TTC7B: variants seen among roughly 807,000 people sequenced by gnomAD.
The protein encoded by TTC7B is tetratricopeptide repeat protein 7B.
TTC7B carries 28 observed loss-of-function variants against 106.8 expected under a neutral mutation model. The ratio of observed to expected loss-of-function variants is 0.26; its 90% CI spans 0.19 to 0.36. TTC7B has a LOEUF of 0.36. Ranked by LOEUF, TTC7B falls within the 10% of genes least tolerant of loss-of-function variation. TTC7B has a pLI of 1.00. For synonymous variants in TTC7B, 405 were observed against 430.6 expected (o/e 0.94, Z 0.74); for missense variants, 862 against 1,076.4 (o/e 0.80, Z 2.79).
At chr14:90,699,148 C>CT (rs1437232261) in intron 5 of TTC7B, 4 of 455,748 alleles carry the variant, frequency 8.8e-6, no homozygotes, top group Non-Finnish European at 1.8e-5. Context: ...AACGTACAAG[C>CT]TTACCGCACC....
chr14:90,613,148 C>G (rs1471884943), intron 16 of TTC7B, among the ~76,000 whole-genome samples: 1 of 152,182 alleles, frequency 6.6e-6, no homozygotes, highest in East Asian at 1.9e-4. Flanking sequence ...GTCATCTCAG[C>G]ACTTTGGGAG....
In TTC7B at chr14:90,805,636, C is replaced by T. The variant is rs938432581; in HGVS notation, c.121+10539G>A. On this transcript the variant is annotated intron_variant, in intron 1 of 19. Transcript: ENST00000328459. This position sits in a 1 kb window ranked among gnomAD's most constrained non-coding sequence, Gnocchi z 4.0. ...ATTCAAGGGTACCCAGAGCTGGCTT[C>T]GCTTTTCCCTCGGGCATTATTTGGG... Among the ~76,000 whole-genome samples the T allele has an allele frequency of 1.3e-5, 2 of 152,006 alleles. No individual in the cohort carries two copies. The highest frequency in any genetic ancestry group is 2.4e-5 in the African/African-American group (1 of 41,268).
At chr14:90,672,936 T>A (rs945158917) in intron 9 of TTC7B, among the ~76,000 whole-genome samples, 1 of 152,176 alleles carries the variant, frequency 6.6e-6, no homozygotes, top group Non-Finnish European at 1.5e-5. Flanking sequence ...GTCTGAGATA[T>A]ACATGCACAC....
chr14:90,544,298 T>C (rs751097768), intron 19 of TTC7B, among the ~76,000 whole-genome samples: 1 of 152,198 alleles, frequency 6.6e-6, no homozygotes, highest in Non-Finnish European at 1.5e-5. Context: ...TATCCAAACA[T>C]GTGTCCATGC....
intron 17 of TTC7B, among the ~76,000 whole-genome samples, chr14:90,596,489 T>C (rs569733984): frequency 3.3e-5 from 5 of 152,338 alleles, no homozygotes; most frequent in African/African-American, 1.2e-4. Flanking sequence ...ACATACCATG[T>C]TTCAGGCACT....
chr14:90,619,053 G>A (rs904534608), intron 15 of TTC7B, among the ~76,000 whole-genome samples: 5 of 152,236 alleles, frequency 3.3e-5, no homozygotes, highest in South Asian at 4.2e-4. Context: ...ACAGGCATCC[G>A]CCACCACGTC....
intron 15 of TTC7B, among the ~76,000 whole-genome samples, chr14:90,629,242 C>CTTT (rs34061423): frequency 3.3e-5 from 5 of 151,180 alleles, no homozygotes; most frequent in South Asian, 4.2e-4. Context: ...TCTCAGGTTC[C>CTTT]TTTTTTTTTC....
chr14:90,797,283 T>C (rs1270227703), intron 1 of TTC7B, among the ~76,000 whole-genome samples: 1 of 50,144 alleles, frequency 2.0e-5, no homozygotes, highest in African/African-American at 4.0e-5. Flanking sequence ...TAAAACCCCA[T>C]CTCTACTAAA....
chr14:90,530,626 A>AGAAGGCAGATCTGCT lies in TTC7B; in HGVS notation c.*10741_*10742insAGCAGATCTGCCTTC, dbSNP rs1889261292. 2 of 152,402 alleles carry AGAAGGCAGATCTGCT rather than the reference A, an allele frequency of 1.3e-5. No homozygotes were observed. Among genetic ancestry groups the AGAAGGCAGATCTGCT allele is most frequent in the South Asian group, 4.1e-4 (2 of 4,822 alleles). 9.4% of individuals were successfully genotyped at this position (152,402 alleles called of 1,614,324 possible). A position where few individuals can be genotyped will look rare whatever the true frequency, so the allele number is the denominator to read the frequency against. ...TCAGAGGCAGAGAAGGAGGAGTCACAGAGATCGCTCTACAGCAGAGGTCGG... is the reference window on the plus strand; with the variant it reads ...TCAGAGGCAGAGAAGGAGGAGTCACAGAAGGCAGATCTGCTGAGATCGCTCTACAGCAGAGGTCGG... On this transcript the variant is annotated 3_prime_UTR_variant, in exon 20 of 20. Transcript: ENST00000328459.
intron 9 of TTC7B, among the ~76,000 whole-genome samples, chr14:90,668,070 C>A (rs965977701): frequency 6.6e-6 from 1 of 151,060 alleles, no homozygotes; most frequent in Non-Finnish European, 1.5e-5. Context: ...TGTTGTAATA[C>A]TTCCCTTGTG....
At position 90,528,471 on chromosome 14, in the gene TTC7B, T is replaced by C. The variant is rs944963978; in HGVS notation, c.*12897A>G. The C allele has an allele frequency of 6.5e-6, 1 of 152,716 alleles. No individual in the cohort carries two copies. Among genetic ancestry groups the C allele is most frequent in the Non-Finnish European group, 1.5e-5 (1 of 68,396 alleles). The allele number at this position is 152,716 out of a possible 1,614,324, so 9.5% of individuals were successfully genotyped here. ...TCACTGCAGCCTTGACCTCCCACTTTGTTACCTGTTTCCGACGGTGTGACC... is the reference window on the plus strand; with the variant it reads ...TCACTGCAGCCTTGACCTCCCACTTCGTTACCTGTTTCCGACGGTGTGACC... On this transcript the variant is annotated 3_prime_UTR_variant, in exon 20 of 20. Transcript: ENST00000328459.
chr14:90,705,343 C>T (rs1595301065), intron 5 of TTC7B, among the ~76,000 whole-genome samples: 1 of 152,158 alleles, frequency 6.6e-6, no homozygotes, highest in Non-Finnish European at 1.5e-5. Flanking sequence ...CCTAGTGACA[C>T]AGGCAGGAAT....
chr14:90,669,215 A>C (rs187226527), intron 9 of TTC7B, among the ~76,000 whole-genome samples: 244 of 152,356 alleles, frequency 1.6e-3, no homozygotes, highest in African/African-American at 5.7e-3. Context: ...AAAAACTATA[A>C]ATGGACAAAC....
intron 15 of TTC7B, among the ~76,000 whole-genome samples, chr14:90,626,841 G>A (rs115991066): frequency 6.6e-6 from 1 of 152,244 alleles, no homozygotes; most frequent in African/African-American, 2.4e-5. Context: ...GGGGTTTAAA[G>A]AGCATGGATG....
intron 17 of TTC7B, chr14:90,605,626 T>C: frequency 7.8e-7 from 1 of 1,287,688 alleles, no homozygotes; most frequent in Non-Finnish European, 1.0e-6. Context: ...GGGACCTGCG[T>C]CACTGAATGA....
intron 4 of TTC7B, among the ~76,000 whole-genome samples, chr14:90,731,220 GGATTACAGGCGT>G (rs1374797669): frequency 3.3e-5 from 5 of 152,130 alleles, no homozygotes; most frequent in Non-Finnish European, 7.4e-5. Flanking sequence ...CAAAGTGCTG[GGATTACAGGCGT>G]GAGCCCCTGC....
intron 5 of TTC7B, among the ~76,000 whole-genome samples, chr14:90,717,723 T>C (rs1372381269): frequency 6.6e-6 from 1 of 151,996 alleles, no homozygotes; most frequent in Non-Finnish European, 1.5e-5. Flanking sequence ...AAGAGCTAGG[T>C]CCCCACCCCC....
At chr14:90,664,388 GC>G (rs1886327730) in intron 9 of TTC7B, among the ~76,000 whole-genome samples, 1 of 152,166 alleles carries the variant, frequency 6.6e-6, no homozygotes, top group South Asian at 2.1e-4. Context: ...GCCTGCCTCA[GC>G]CTCCGGAGTA....
At chr14:90,615,172 A>G (rs1265447237) in intron 16 of TTC7B, among the ~76,000 whole-genome samples, 1 of 152,228 alleles carries the variant, frequency 6.6e-6, no homozygotes, top group Non-Finnish European at 1.5e-5. Context: ...TGACTAGCTC[A>G]GTGTAATTTT....
Sources: allele counts gnomAD v4.1 joint callset (sites outside exome capture counted in the v4.1 genomes callset), GRCh38; gene constraint gnomAD v4.1.1; non-coding constraint Gnocchi (gnomAD v3.1); transcripts MANE v1.5; gene names NCBI Gene and HGNC (gene_info 2026-07-23, HGNC 2026-07-21).